OPCML: variants seen among roughly 807,000 people sequenced by gnomAD.
OPCML encodes the protein opioid-binding protein/cell adhesion molecule.
OPCML carries 13 observed loss-of-function variants against 37.8 expected under a neutral mutation model. The observed-to-expected ratio is 0.34, with a 90% CI of 0.22 to 0.55. The LOEUF is 0.55. Ranked by LOEUF, OPCML falls within the 20% of genes least tolerant of loss-of-function variation. OPCML has a pLI of 0.91. For synonymous variants in OPCML, 176 were observed against 168.8 expected (o/e 1.04, Z -0.33); for missense variants, 341 against 435.6 (o/e 0.78, Z 1.93).
At chr11:133,333,594 G>A (rs908517395) in intron 1 of OPCML, among the ~76,000 whole-genome samples, 1 of 152,150 alleles carries the variant, frequency 6.6e-6, no homozygotes, top group Non-Finnish European at 1.5e-5. Flanking sequence ...AAGATTTCAT[G>A]ATAAAGACAT....
intron 3 of OPCML, among the ~76,000 whole-genome samples, chr11:132,530,496 C>T (rs551550023): frequency 1.3e-5 from 2 of 152,140 alleles, no homozygotes; most frequent in Non-Finnish European, 1.5e-5. Flanking sequence ...CCAGAGCAGT[C>T]TTTCCAAGTA....
At chr11:132,564,057 G>A (rs765399978) in intron 3 of OPCML, among the ~76,000 whole-genome samples, 1 of 152,170 alleles carries the variant, frequency 6.6e-6, no homozygotes, top group East Asian at 1.9e-4. Flanking sequence ...AGAAAAGTGA[G>A]GCTGAGCAGC....
intron 2 of OPCML, among the ~76,000 whole-genome samples, chr11:132,667,605 C>T (rs561242307): frequency 1.7e-4 from 26 of 152,284 alleles, no homozygotes; most frequent in African/African-American, 5.1e-4. Context: ...GAAAGATGCT[C>T]TATCTGCTCT....
intron 1 of OPCML, among the ~76,000 whole-genome samples, chr11:133,150,067 G>A (rs1160830396): frequency 6.6e-6 from 1 of 152,190 alleles, no homozygotes; most frequent in Non-Finnish European, 1.5e-5. Flanking sequence ...CTTTCTCTCT[G>A]GGCCAGGCCC....
At chr11:132,576,964 G>A (rs1007315904) in intron 3 of OPCML, among the ~76,000 whole-genome samples, 3 of 152,146 alleles carry the variant, frequency 2.0e-5, no homozygotes, top group Non-Finnish European at 2.9e-5. Context: ...TGAGATCACA[G>A]TCTGACCCCA....
chr11:133,016,375 G>A (rs1243189533), intron 1 of OPCML, among the ~76,000 whole-genome samples: 1 of 152,134 alleles, frequency 6.6e-6, no homozygotes, highest in Non-Finnish European at 1.5e-5. Flanking sequence ...GATGGCTATT[G>A]ACCATGGGCT....
chr11:133,362,761 C>A (rs547729692), intron 1 of OPCML, among the ~76,000 whole-genome samples: 1 of 152,250 alleles, frequency 6.6e-6, no homozygotes, highest in South Asian at 2.1e-4. Flanking sequence ...AAGAGGAGAT[C>A]CGTTCCAAAC....
chr11:133,483,337 GATA>G (rs1565659187), intron 1 of OPCML, among the ~76,000 whole-genome samples: 2 of 122,004 alleles, frequency 1.6e-5, no homozygotes, highest in South Asian at 4.8e-4. Context: ...TAGATAGATA[GATA>G]ATAGATATAG....
chr11:132,862,658 G>A (rs1214885028), intron 2 of OPCML, among the ~76,000 whole-genome samples: 2 of 152,126 alleles, frequency 1.3e-5, no homozygotes, highest in Non-Finnish European at 2.9e-5. Context: ...GTGGGCTGGG[G>A]AGATATTTCG....
At chr11:133,289,594 CAA>C (rs1229577687) in intron 1 of OPCML, among the ~76,000 whole-genome samples, 598 of 52,222 alleles carry the variant, frequency 0.011, 5 homozygotes, top group African/African-American at 0.041. Context: ...GACTCCATCT[CAA>C]AAAAAAAAAA....
At chr11:132,693,524 C>T (rs141869990) in intron 2 of OPCML, among the ~76,000 whole-genome samples, 184 of 152,170 alleles carry the variant, frequency 1.2e-3, no homozygotes, top group Admixed American at 3.5e-3. Context: ...ATAACATTCT[C>T]CAAATGAAGA....
rs148093155 is a variant in OPCML, at chr11:132,566,423, C to T, written c.380-37237G>A. Among the ~76,000 whole-genome samples, 3 of 152,204 alleles carry T rather than the reference C, an allele frequency of 2.0e-5. No individual in the cohort carries two copies. In the East Asian group the frequency reaches 5.8e-4, roughly 29 times the overall value. On this transcript the variant is annotated intron_variant, in intron 3 of 7. Coordinates refer to ENST00000524381, the MANE Select transcript of OPCML (RefSeq NM_001012393.5). ...ACAGCTCTTTTTATACATGTTTTGC[C>T]CTGAATCACCCCAACAGTACATCTA...
intron 3 of OPCML, among the ~76,000 whole-genome samples, chr11:132,579,227 C>T (rs546785314): frequency 3.9e-5 from 6 of 152,096 alleles, no homozygotes; most frequent in Non-Finnish European, 7.4e-5. Context: ...ATCAAGAACT[C>T]CTGGGCACTT....
chr11:132,922,476 C>T (rs1271469328), intron 2 of OPCML, among the ~76,000 whole-genome samples: 2 of 151,896 alleles, frequency 1.3e-5, no homozygotes, highest in African/African-American at 2.4e-5. Context: ...AGCACGTGTG[C>T]GGGAAGACGG....
Position 132,726,196 on chromosome 11 carries a change from G to A in OPCML, c.147-68877C>T, listed in dbSNP as rs545188292. Among the ~76,000 whole-genome samples the A allele has an allele frequency of 5.3e-5, 8 of 152,230 alleles. No homozygotes were observed. In the East Asian group the frequency reaches 1.2e-3, roughly 22 times the overall value. ...TGCTGATAAAGACAGACATGAGACT[G>A]GGCAATTTACAAAAGGAAGAGTTTT... On this transcript the variant is annotated intron_variant, in intron 2 of 7. Transcript: ENST00000524381.
intron 1 of OPCML, among the ~76,000 whole-genome samples, chr11:133,258,638 C>T (rs969125096): frequency 6.6e-5 from 10 of 152,270 alleles, no homozygotes; most frequent in Middle Eastern, 3.4e-3. Flanking sequence ...CCTTCCTGAG[C>T]GTTTGCCGAG....
chr11:133,081,213 C>T lies in OPCML; in HGVS notation c.62-138203G>A, dbSNP rs996041218. On this transcript the variant is annotated intron_variant, in intron 1 of 7. Transcript: ENST00000524381. ...ATACCCATCCCTTATATTTACAGGACTTGGTGCTTCCATCTGGAGGGTTAG... is the reference window on the plus strand; with the variant it reads ...ATACCCATCCCTTATATTTACAGGATTTGGTGCTTCCATCTGGAGGGTTAG... 1.1e-4 allele frequency among the ~76,000 whole-genome samples: 17 copies of T among 152,262 alleles called. No individual in the cohort carries two copies. The South Asian group carries it at 2.1e-3, about 19-fold the overall frequency.
intron 1 of OPCML, among the ~76,000 whole-genome samples, chr11:133,200,171 T>G (rs575011383): frequency 3.7e-4 from 56 of 152,274 alleles, no homozygotes; most frequent in African/African-American, 1.3e-3. Flanking sequence ...ACTTGAGAAC[T>G]TTTTCCCTGA....
intron 2 of OPCML, among the ~76,000 whole-genome samples, chr11:132,843,507 G>C (rs1941388992): frequency 6.6e-6 from 1 of 152,010 alleles, no homozygotes; most frequent in Non-Finnish European, 1.5e-5. Flanking sequence ...CCAAGAAAGA[G>C]AGTCACTGTT....
Sources: allele counts gnomAD v4.1 joint callset (sites outside exome capture counted in the v4.1 genomes callset), GRCh38; gene constraint gnomAD v4.1.1; transcripts MANE v1.5; gene names NCBI Gene and HGNC (gene_info 2026-07-23, HGNC 2026-07-21).